KCNIP1: variants seen among roughly 807,000 people sequenced by gnomAD.
KCNIP1 encodes the protein potassium voltage-gated channel interacting protein 1, also known as A-type potassium channel modulatory protein KCNIP1.
A neutral mutation model predicts 33.0 loss-of-function variants in KCNIP1; 18 were observed. That is an observed-to-expected ratio of 0.55 (90% CI 0.38 to 0.81). The LOEUF is 0.81. Ranked by LOEUF, KCNIP1 falls within the 30% of genes least tolerant of loss-of-function variation. The probability of loss-of-function intolerance (pLI) is 0.00; values close to 1 mark genes in which losing one functional copy is unlikely to be tolerated. For synonymous variants in KCNIP1, 93 were observed against 98.3 expected (o/e 0.95, Z 0.32); for missense variants, 238 against 271.6 (o/e 0.88, Z 0.87).
chr5:170,426,318 CT>C (rs1034633693), intron 1 of KCNIP1, among the ~76,000 whole-genome samples: 1 of 151,996 alleles, frequency 6.6e-6, no homozygotes, highest in African/African-American at 2.4e-5. Context: ...TATCAGCCCC[CT>C]GAGGCAGCTG....
At chr5:170,633,734 G>A (rs1760165682) in intron 1 of KCNIP1, among the ~76,000 whole-genome samples, 1 of 14,922 alleles carries the variant, frequency 6.7e-5, no homozygotes, top group Non-Finnish European at 1.3e-4. Flanking sequence ...AGGGGGGGAC[G>A]GAGGGGGGGG....
chr5:170,481,873 C>A (rs1756985201), intron 1 of KCNIP1, among the ~76,000 whole-genome samples: 1 of 151,970 alleles, frequency 6.6e-6, no homozygotes, highest in Non-Finnish European at 1.5e-5. Flanking sequence ...GTGGGTTTTT[C>A]CCTGAGTGGT....
At chr5:170,356,718 T>C (rs1435015738) in intron 1 of KCNIP1, among the ~76,000 whole-genome samples, 1 of 152,214 alleles carries the variant, frequency 6.6e-6, no homozygotes, top group Admixed American at 6.5e-5. Context: ...CCAGAGCTAC[T>C]AGCATGGGGC....
chr5:170,716,845 C>T (rs1258945360), intron 1 of KCNIP1, among the ~76,000 whole-genome samples: 2 of 152,148 alleles, frequency 1.3e-5, no homozygotes, highest in East Asian at 1.9e-4. Flanking sequence ...AAGTGTACTG[C>T]AAAAAACCCT....
At chr5:170,731,215 T>A (rs1253707557) in intron 5 of KCNIP1, among the ~76,000 whole-genome samples, 1 of 152,186 alleles carries the variant, frequency 6.6e-6, no homozygotes, top group Non-Finnish European at 1.5e-5. Flanking sequence ...TAATAAGACA[T>A]CTCAACACTA....
At chr5:170,542,492 G>A (rs1003667448) in intron 1 of KCNIP1, among the ~76,000 whole-genome samples, 1 of 152,114 alleles carries the variant, frequency 6.6e-6, no homozygotes, top group Non-Finnish European at 1.5e-5. Flanking sequence ...AACCCTGCAT[G>A]GAAAAGAAAA....
chr5:170,617,536 G>T (rs1178281934), intron 1 of KCNIP1, among the ~76,000 whole-genome samples: 1 of 152,084 alleles, frequency 6.6e-6, no homozygotes, highest in African/African-American at 2.4e-5. Flanking sequence ...AGACAGAGGG[G>T]GTCCAGGCCC....
chr5:170,610,452 C>G (rs1169786352), intron 1 of KCNIP1, among the ~76,000 whole-genome samples: 1 of 152,140 alleles, frequency 6.6e-6, no homozygotes, highest in Non-Finnish European at 1.5e-5. Context: ...GCTATGTCAC[C>G]CAGACACACA....
At chr5:170,472,746 A>G (rs1374613513) in intron 1 of KCNIP1, among the ~76,000 whole-genome samples, 1 of 152,200 alleles carries the variant, frequency 6.6e-6, no homozygotes, top group Non-Finnish European at 1.5e-5. Context: ...AGGTCACTAC[A>G]AATGCTGATA....
At chr5:170,441,693 C>T (rs1179248930) in intron 1 of KCNIP1, among the ~76,000 whole-genome samples, 1 of 152,036 alleles carries the variant, frequency 6.6e-6, no homozygotes, top group Non-Finnish European at 1.5e-5. Flanking sequence ...GGGCCGGGCG[C>T]CGTGGCTCAC....
At chr5:170,727,370 G>C (rs937553144) in intron 5 of KCNIP1, among the ~76,000 whole-genome samples, 1 of 152,192 alleles carries the variant, frequency 6.6e-6, no homozygotes, top group African/African-American at 2.4e-5. Flanking sequence ...TCTATATCTT[G>C]AGTGTGGTGG....
intron 1 of KCNIP1, among the ~76,000 whole-genome samples, chr5:170,670,908 A>AC (rs1300896044): frequency 1.5e-5 from 2 of 132,200 alleles, no homozygotes; most frequent in Non-Finnish European, 3.1e-5. Context: ...AAAACAAAAA[A>AC]AAAAATAAAA....
chr5:170,401,447 C>G (rs314138), intron 1 of KCNIP1, among the ~76,000 whole-genome samples: 2,822 of 152,232 alleles, frequency 0.019, 89 homozygotes, highest in African/African-American at 0.065. Flanking sequence ...AGTGAAGGAG[C>G]ATAAAAGGAC....
At chr5:170,463,758 A>G (rs1222699541) in intron 1 of KCNIP1, among the ~76,000 whole-genome samples, 1 of 152,328 alleles carries the variant, frequency 6.6e-6, no homozygotes, top group East Asian at 1.9e-4. Flanking sequence ...AAGATCAGGA[A>G]AAATACAAGG....
At chr5:170,376,923 C>A (rs1764027533) in intron 1 of KCNIP1, 1 of 152,154 alleles carries the variant, frequency 6.6e-6, no homozygotes, top group South Asian at 2.1e-4. Context: ...ACTATAGTTG[C>A]CATTTTAAAC....
At chr5:170,485,323 C>A (rs189166411) in intron 1 of KCNIP1, among the ~76,000 whole-genome samples, 1 of 152,330 alleles carries the variant, frequency 6.6e-6, no homozygotes, top group Non-Finnish European at 1.5e-5. Flanking sequence ...CCCATCCTCC[C>A]TCCCTCAGCT....
intron 1 of KCNIP1, among the ~76,000 whole-genome samples, chr5:170,601,824 G>A (rs948219516): frequency 1.3e-5 from 2 of 152,228 alleles, no homozygotes; most frequent in African/African-American, 4.8e-5. Flanking sequence ...GGCGGTGGCT[G>A]CTGCCTGCGG....
chr5:170,723,301 C>T (rs1273722646), intron 5 of KCNIP1, among the ~76,000 whole-genome samples: 3 of 152,290 alleles, frequency 2.0e-5, no homozygotes, highest in African/African-American at 7.2e-5. Flanking sequence ...ATGGAAGGTA[C>T]AGCTGTCTTT....
intron 5 of KCNIP1, among the ~76,000 whole-genome samples, chr5:170,726,813 A>G (rs1347204018): frequency 6.7e-6 from 1 of 149,612 alleles, no homozygotes; most frequent in Admixed American, 6.7e-5. Context: ...AGGGAGGCTG[A>G]GGTGGGAGAA....
Sources: allele counts gnomAD v4.1 joint callset (sites outside exome capture counted in the v4.1 genomes callset), GRCh38; gene constraint gnomAD v4.1.1; transcripts MANE v1.5; gene names NCBI Gene and HGNC (gene_info 2026-07-23, HGNC 2026-07-21).